OVCH1: variants seen among roughly 807,000 people sequenced by gnomAD.
The protein encoded by OVCH1 is ovochymase-1.
In OVCH1, 139 loss-of-function variants were observed where a neutral mutation model predicts 138.4. That is an observed-to-expected ratio of 1.00 (90% CI 0.87 to 1.16). OVCH1 has a LOEUF of 1.16. Among genes scored for constraint, OVCH1 ranks in the 50% most tolerant of loss-of-function variants. The pLI is 0.00. For missense variants in OVCH1, 1,367 were observed against 1,357.9 expected (o/e 1.01, Z -0.11); for synonymous variants, 453 against 467.8 (o/e 0.97, Z 0.41).
intron 26 of OVCH1, among the ~76,000 whole-genome samples, chr12:29,435,100 C>T (rs1941333860): frequency 6.6e-6 from 1 of 152,228 alleles, no homozygotes; most frequent in South Asian, 2.1e-4. Flanking sequence ...ATATAACCTT[C>T]ATTTATCCAC....
chr12:29,417,648 G>C (rs1347918071), intron 3 of OVCH1, among the ~76,000 whole-genome samples: 2 of 151,968 alleles, frequency 1.3e-5, no homozygotes, highest in East Asian at 3.9e-4. Flanking sequence ...TTCAATATAA[G>C]TTTAATTAAC....
chr12:29,417,760 AGTGTGTGTGTGTGT>A (rs55835508), intron 3 of OVCH1, among the ~76,000 whole-genome samples: 26 of 149,686 alleles, frequency 1.7e-4, no homozygotes, highest in African/African-American at 6.1e-4. Flanking sequence ...CTGGCCTACA[AGTGTGTGTGTGTGT>A]GTGTGTGTGT....
rs765919601 is a variant in OVCH1, at chr12:29,496,689, A to ATG, written c.65-17_65-16dup. On this transcript the variant is annotated splice_polypyrimidine_tract_variant and intron_variant, in intron 1 of 27. Transcript: ENST00000318184. ...ACACTTCAGTCCTGTGTAGAAGAGC[A>ATG]TGTGTGTGTGCACACACAGAGCCTT... The ATG allele has an allele frequency of 1.3e-6, 2 of 1,568,748 alleles. No individual in the cohort carries two copies. Among genetic ancestry groups the ATG allele is most frequent in the East Asian group, 2.2e-5 (1 of 44,612 alleles).
intron 19 of OVCH1, among the ~76,000 whole-genome samples, chr12:29,457,239 A>AT (rs1941978551): frequency 6.6e-6 from 1 of 151,934 alleles, no homozygotes; most frequent in South Asian, 2.1e-4. Context: ...TAAATCATTG[A>AT]TTTTTTTCAG....
intron 10 of OVCH1, 38 bp from the exon 11 acceptor site, chr12:29,477,516 A>G (rs763128041): frequency 6.2e-6 from 10 of 1,613,802 alleles, no homozygotes; most frequent in Non-Finnish European, 7.6e-6. Context: ...AACATTACTA[A>G]AAAGTGGTGG....
intron 25 of OVCH1, among the ~76,000 whole-genome samples, chr12:29,439,630 A>C (rs1235703548): frequency 6.6e-6 from 1 of 152,156 alleles, no homozygotes; most frequent in South Asian, 2.1e-4. Flanking sequence ...CTTACAATTC[A>C]ATTCCATTCT....
downstream of OVCH1, among the ~76,000 whole-genome samples, chr12:29,424,743 C>G (rs1056711916): frequency 3.9e-5 from 6 of 152,246 alleles, 1 homozygote; most frequent in Admixed American, 1.3e-4. Context: ...GCCATATTAA[C>G]TATATGGCAA....
At chr12:29,413,454 G>C (rs533604129) in intron 3 of OVCH1, among the ~76,000 whole-genome samples, 2 of 152,268 alleles carry the variant, frequency 1.3e-5, no homozygotes, top group African/African-American at 4.8e-5. Flanking sequence ...TTCATCATGT[G>C]AGGAATGGGG....
downstream of OVCH1, among the ~76,000 whole-genome samples, chr12:29,425,519 A>G (rs1324700207): frequency 1.3e-5 from 2 of 152,212 alleles, no homozygotes; most frequent in Non-Finnish European, 2.9e-5. Flanking sequence ...AAAGGCATCA[A>G]TGTGATGACT....
chr12:29,415,506 CAAAG>C (rs1941020892), intron 3 of OVCH1, among the ~76,000 whole-genome samples: 2 of 152,240 alleles, frequency 1.3e-5, no homozygotes, highest in South Asian at 2.1e-4. Flanking sequence ...AAGGTCAACA[CAAAG>C]AAGTCAATCA....
intron 11 of OVCH1, 29 bp downstream of exon 11, chr12:29,477,312 G>T: frequency 6.2e-7 from 1 of 1,613,542 alleles, no homozygotes; most frequent in Non-Finnish European, 8.5e-7. Context: ...AGGGAAAATG[G>T]CAAGGAATTA....
At chr12:29,491,933 C>A (rs181656932) in intron 4 of OVCH1, among the ~76,000 whole-genome samples, 1 of 152,008 alleles carries the variant, frequency 6.6e-6, no homozygotes, top group South Asian at 2.1e-4. Flanking sequence ...TAGATCTCAA[C>A]GAATGAACAG....
downstream of OVCH1, among the ~76,000 whole-genome samples, chr12:29,408,151 T>C (rs1016899758): frequency 8.0e-4 from 104 of 130,110 alleles, 6 homozygotes; most frequent in Admixed American, 2.3e-3. Flanking sequence ...TTTTGTACAT[T>C]GATTTTGTAT....
chr12:29,487,861 C>T, exon 7 of OVCH1: 2 of 1,612,492 alleles, frequency 1.2e-6, no homozygotes, highest in Non-Finnish European at 1.7e-6. Flanking sequence ...CTTCTACAAA[C>T]CAGTGGTCCT....
At chr12:29,426,676 C>A (rs1344191182), downstream of OVCH1, among the ~76,000 whole-genome samples, 1 of 152,174 alleles carries the variant, frequency 6.6e-6, no homozygotes, top group Admixed American at 6.6e-5. Context: ...GATTTGCATA[C>A]TGAATTCCAT....
chr12:29,473,041 C>A lies in OVCH1; in HGVS notation c.1663G>T (p.Ala555Ser), dbSNP rs1942569263. The change falls in exon 15 of 28, where the codon GCT becomes TCT. Residue 555 changes from alanine (A) to serine (S), a missense_variant. Physicochemically the swap from Ala to Ser is moderately conservative, Grantham distance 99. Coordinates refer to ENST00000318184, the Ensembl canonical transcript of OVCH1. ...GTCACCAACTCACCATGCAGAATAG[C>A]TTTTACGGTAGATACAGGATTGTTT... is the stretch of plus-strand genomic sequence containing the variant. The A allele has an allele frequency of 1.2e-6, 2 of 1,610,316 alleles. No individual in the cohort carries two copies. The highest frequency in any genetic ancestry group is 8.5e-7 in the Non-Finnish European group (1 of 1,177,814).
intron 1 of OVCH1, 78 bp downstream of exon 1, chr12:29,497,545 G>T (rs1943452692): frequency 6.5e-7 from 1 of 1,548,216 alleles, no homozygotes; most frequent in Non-Finnish European, 8.8e-7. Flanking sequence ...ACTTCCTGAG[G>T]CAAGGAGTAA....
intron 13 of OVCH1, 91 bp downstream of exon 13, chr12:29,476,115 T>G: frequency 9.9e-7 from 1 of 1,007,980 alleles, no homozygotes; most frequent in Non-Finnish European, 1.6e-6. Flanking sequence ...ACATTCCCAC[T>G]CTACGTTCTG....
intron 3 of OVCH1, among the ~76,000 whole-genome samples, chr12:29,420,064 A>G (rs1255624828): frequency 1.3e-5 from 2 of 152,194 alleles, no homozygotes; most frequent in East Asian, 3.8e-4. Context: ...TCATTTGGCT[A>G]TGGGACATCA....
Sources: allele counts gnomAD v4.1 joint callset (sites outside exome capture counted in the v4.1 genomes callset), GRCh38; gene constraint gnomAD v4.1.1; transcripts MANE v1.5; gene names NCBI Gene and HGNC (gene_info 2026-07-23, HGNC 2026-07-21).